TGFBI: variants seen among roughly 807,000 people sequenced by gnomAD.
The protein encoded by TGFBI is transforming growth factor-beta-induced protein ig-h3.
Under a neutral mutation model 73.7 loss-of-function variants are expected in TGFBI, and 50 were observed. The observed-to-expected ratio is 0.68, with a 90% confidence interval of 0.54 to 0.86. The LOEUF is 0.86. Among genes scored for constraint, TGFBI ranks in the 40% least tolerant of loss-of-function variants. The pLI is 0.00. For missense variants in TGFBI, 839 were observed against 877.0 expected, an observed-to-expected ratio of 0.96 and a Z score of 0.55; for synonymous variants, 362 against 360.5, an observed-to-expected ratio of 1.00 and a Z score of -0.05.
chr5:136,047,755 T>A (rs1751457327), intron 6 of TGFBI: 2 of 266,998 alleles, frequency 7.5e-6, no homozygotes, highest in South Asian at 1.4e-4. Context: ...GGTACTAGAA[T>A]AAATGGCCTA....
At chr5:136,049,378 C>A in intron 6 of TGFBI, 61 bp from the exon 7 acceptor site, 2 of 1,582,508 alleles carry the variant, frequency 1.3e-6, no homozygotes. Context: ...GCTGTGTGTG[C>A]ATCTTCTGTG....
rs1321743319 is a variant in TGFBI at position 136,029,193 on chromosome 5, A to G, written c.134+4A>G. Reference sequence around the variant, plus strand: ...GGCTCCGGGGCCGCCAGCACGGGTAAGCCGAGCCGCCTGGCCAGGGGCTGC... The same window carrying G: ...GGCTCCGGGGCCGCCAGCACGGGTAGGCCGAGCCGCCTGGCCAGGGGCTGC... On this transcript the variant is annotated splice_donor_region_variant and intron_variant, in intron 1 of 16. Coordinates refer to ENST00000442011, the MANE Select transcript of TGFBI (RefSeq NM_000358.3). 2 of 1,484,616 alleles carry G rather than the reference A, an allele frequency of 1.3e-6. No homozygotes were observed. Among genetic ancestry groups the G allele is most frequent in the African/African-American group, 1.5e-5 (1 of 68,704 alleles). 92.0% of individuals were successfully genotyped at this position (1,484,616 alleles called of 1,614,324 possible).
chr5:136,030,788 T>C (rs1296914950), intron 1 of TGFBI, among the ~76,000 whole-genome samples: 1 of 152,158 alleles, frequency 6.6e-6, no homozygotes, highest in African/African-American at 2.4e-5. Flanking sequence ...ATTTCTTCTG[T>C]ATCTTCGCCA....
At chr5:136,049,819 A>G (rs1751500416) in intron 7 of TGFBI, 1 of 469,210 alleles carries the variant, frequency 2.1e-6, no homozygotes, top group Middle Eastern at 5.8e-4. Flanking sequence ...GCTGGACTGA[A>G]GAGAGGCATA....
chr5:136,043,542 A>C (rs576419688), intron 2 of TGFBI, among the ~76,000 whole-genome samples: 1 of 152,354 alleles, frequency 6.6e-6, no homozygotes, highest in East Asian at 1.9e-4. Flanking sequence ...CTAGAAAATC[A>C]TGAGAGATTT....
At chr5:136,040,955 G>A (rs1751322131) in intron 2 of TGFBI, among the ~76,000 whole-genome samples, 1 of 152,242 alleles carries the variant, frequency 6.6e-6, no homozygotes, top group Non-Finnish European at 1.5e-5. Flanking sequence ...AGTATAAGGA[G>A]AGTGGAGCAG....
rs370797081 is a variant in TGFBI, at chr5:136,053,035, G to C, written c.1042G>C (p.Gly348Arg). ...CAGCGGGGACATGCTCACTATCAAC[G>C]GGAAGGCGATCATCTCCAATAAAGA... ...GCSGDMLTINGKAIISNKDIL... is the reference protein window; with the variant it reads ...GCSGDMLTINRKAIISNKDIL... Residue 348 changes from glycine to arginine, a missense_variant, in exon 8 of 17, where the codon GGG becomes CGG. Transcript: ENST00000442011. 7.4e-6 allele frequency: 12 copies of C among 1,613,908 alleles called. No homozygotes were observed. The South Asian group carries it at 1.3e-4, about 18-fold the overall frequency.
chr5:136,030,755 C>T lies in TGFBI; in HGVS notation c.134+1566C>T, dbSNP rs565561594. On this transcript the variant is annotated intron_variant, in intron 1 of 16. Transcript: ENST00000442011. ...AATGAATTGTGTTATGTTTGGGTGC[C>T]TCAATTTGCCTAGGAGGGTTCTATT... Among the ~76,000 whole-genome samples the T allele has an allele frequency of 5.9e-5, 9 of 152,228 alleles. No homozygotes were observed. In the East Asian group the frequency reaches 1.7e-3, roughly 29 times the overall value.
chr5:136,047,616 A>G (rs1023886523), intron 6 of TGFBI, 196 bp downstream of exon 6: 2 of 672,672 alleles, frequency 3.0e-6, no homozygotes, highest in African/African-American at 1.8e-5. Flanking sequence ...GAAATTCTCC[A>G]TCTTCTTTAT....
At chr5:136,056,824 ATT>A in intron 12 of TGFBI, 29 bp downstream of exon 12, 1 of 1,590,718 alleles carries the variant, frequency 6.3e-7, no homozygotes, top group Non-Finnish European at 8.6e-7. Flanking sequence ...ACACGTCTCC[ATT>A]TTTCTAAAGT....
At chr5:136,042,798 C>T (rs745371922) in intron 2 of TGFBI, among the ~76,000 whole-genome samples, 20 of 152,272 alleles carry the variant, frequency 1.3e-4, no homozygotes, top group East Asian at 5.8e-4. Context: ...TCTGAAACAC[C>T]CCCTGGAGAA....
At position 136,054,858 on chromosome 5, in the gene TGFBI, T is replaced by C; in HGVS notation, c.1407T>C (p.Arg469=). The C allele has an allele frequency of 6.2e-7, 1 of 1,613,644 alleles. No individual in the cohort carries two copies. Among genetic ancestry groups the C allele is most frequent in the Non-Finnish European group, 8.5e-7 (1 of 1,179,698 alleles). The change falls in exon 10 of 17, where the codon CGT becomes CGC. Residue 469 remains arginine (R), a synonymous_variant. Transcript: ENST00000442011. The part of the protein sequence containing the change: ...GGKKLRVFVY[R]NSLCIENSCI... ...AAAAACTGAGAGTTTTTGTTTATCG[T>C]AATGTAAGTTCTGGGTCCTAAATCA...
At chr5:136,046,564 T>A in intron 4 of TGFBI, 69 bp downstream of exon 4, 1 of 1,490,536 alleles carries the variant, frequency 6.7e-7, no homozygotes, top group Non-Finnish European at 9.0e-7. Context: ...GGGGTGGGCA[T>A]GATGAATGGG....
chr5:136,031,172 C>A (rs553753702), intron 1 of TGFBI, among the ~76,000 whole-genome samples: 94 of 152,286 alleles, frequency 6.2e-4, no homozygotes, highest in African/African-American at 2.2e-3. Context: ...AATCTGGATG[C>A]GCAGGCACAT....
At chr5:136,054,996 G>T in intron 10 of TGFBI, 135 bp downstream of exon 10, 1 of 1,072,912 alleles carries the variant, frequency 9.3e-7, no homozygotes, top group Admixed American at 2.3e-5. Flanking sequence ...AATAATTTCT[G>T]GAAAATATAG....
In TGFBI at chr5:136,046,417, G is replaced by T. The variant is rs759397924; in HGVS notation, c.381G>T (p.Lys127Asn). 1.2e-6 allele frequency: 2 copies of T among 1,613,782 alleles called. No homozygotes were observed. The highest frequency in any genetic ancestry group is 4.5e-5 in the East Asian group (2 of 44,886). The change falls in exon 4 of 17, where the codon AAG (lysine) becomes AAT (asparagine). Residue 127 changes from lysine to asparagine, a missense_variant. By Grantham distance (94) the Lys-to-Asn change is moderately conservative. Transcript: ENST00000442011. ...AGCTGTACACGGACCGCACGGAGAA[G>T]CTGAGGCCTGAGATGGAGGGGCCCG... Reference protein sequence around the residue: ...TTQLYTDRTEKLRPEMEGPGS... With the variant: ...TTQLYTDRTENLRPEMEGPGS...
Position 136,049,585 on chromosome 5 carries a change from G to C in TGFBI, c.913+5G>C. 1 of 1,612,142 alleles carries C rather than the reference G, an allele frequency of 6.2e-7. No individual in the cohort carries two copies. The highest frequency in any genetic ancestry group is 8.5e-7 in the Non-Finnish European group (1 of 1,179,022). ...GCGACCCAGAAGCCCTGAGAGGTGA[G>C]CATCCTTTGGCTCCTGCTGCTGCCT... On this transcript the variant is annotated splice_donor_5th_base_variant and intron_variant, in intron 7 of 16. Coordinates refer to ENST00000442011, the MANE Select transcript of TGFBI (RefSeq NM_000358.3).
At chr5:136,055,061 G>T (rs1751603920) in intron 10 of TGFBI, 200 bp downstream of exon 10, 1 of 645,572 alleles carries the variant, frequency 1.5e-6, no homozygotes, top group East Asian at 2.8e-5. Flanking sequence ...GGAGGCCTTT[G>T]AGAATAAACC....
intron 3 of TGFBI, among the ~76,000 whole-genome samples, chr5:136,045,327 G>A (rs1047267857): frequency 1.3e-5 from 2 of 152,172 alleles, no homozygotes; most frequent in Admixed American, 1.3e-4. Flanking sequence ...TGGATCAACT[G>A]AGGTCAGGAG....
Sources: allele counts gnomAD v4.1 joint callset (sites outside exome capture counted in the v4.1 genomes callset), GRCh38; gene constraint gnomAD v4.1.1; transcripts MANE v1.5; gene names NCBI Gene and HGNC (gene_info 2026-07-23, HGNC 2026-07-21).